Variants in KCNN3 observed in about 807,000 individuals in gnomAD.
KCNN3 encodes the protein small conductance calcium-activated potassium channel protein 3.
Under a neutral mutation model 62.9 loss-of-function variants are expected in KCNN3, and 16 were observed. That is an observed-to-expected ratio of 0.25 (90% CI 0.17 to 0.39). The LOEUF (loss-of-function observed/expected upper bound fraction) is 0.39, where lower values mean the gene tolerates loss of function less well. KCNN3 is among the 10% of genes least tolerant of loss of function. The pLI is 1.00. For missense variants in KCNN3, 599 were observed against 949.4 expected, an observed-to-expected ratio of 0.63 and a Z score of 4.85; for synonymous variants, 370 against 389.2, an observed-to-expected ratio of 0.95 and a Z score of 0.58.
At chr1:154,840,366 C>T (rs1446595453) in intron 1 of KCNN3, among the ~76,000 whole-genome samples, 1 of 152,090 alleles carries the variant, frequency 6.6e-6, no homozygotes, top group East Asian at 1.9e-4. Flanking sequence ...GGAGAAAAAG[C>T]GGCGTGTGAG....
At chr1:154,822,730 G>A (rs1650953541) in intron 1 of KCNN3, among the ~76,000 whole-genome samples, 1 of 152,212 alleles carries the variant, frequency 6.6e-6, no homozygotes. Flanking sequence ...AGGGAGGCAG[G>A]GACGGCAGAG....
chr1:154,788,019 A>C (rs1649360418), intron 2 of KCNN3, among the ~76,000 whole-genome samples: 1 of 152,174 alleles, frequency 6.6e-6, no homozygotes, highest in South Asian at 2.1e-4. Context: ...GAGGGAGGCA[A>C]GAGAGGGGCA....
intron 1 of KCNN3, among the ~76,000 whole-genome samples, chr1:154,838,784 G>A (rs994027172): frequency 2.0e-5 from 3 of 152,202 alleles, no homozygotes; most frequent in Non-Finnish European, 4.4e-5. Flanking sequence ...CTCTTTGAGT[G>A]TGGGAACCAA....
intron 1 of KCNN3, among the ~76,000 whole-genome samples, chr1:154,847,207 C>CA (rs1652107775): frequency 6.6e-6 from 1 of 151,884 alleles, no homozygotes; most frequent in South Asian, 2.1e-4. Flanking sequence ...CCTCACTACC[C>CA]CCCCCTGCCC....
chr1:154,800,498 C>T (rs1649909775), intron 2 of KCNN3, among the ~76,000 whole-genome samples: 1 of 152,118 alleles, frequency 6.6e-6, no homozygotes, highest in East Asian at 1.9e-4. Context: ...GTGCTCAGGG[C>T]CGGTGATTGT....
At chr1:154,832,551 C>T (rs1651416542) in intron 1 of KCNN3, among the ~76,000 whole-genome samples, 1 of 152,150 alleles carries the variant, frequency 6.6e-6, no homozygotes, top group Non-Finnish European at 1.5e-5. Context: ...TTTACTGCTC[C>T]ACCTGCCAAG....
Position 154,702,694 on chromosome 1 carries a change from G to T in KCNN3, c.*5282C>A, listed in dbSNP as rs1699877031. On this transcript the variant is annotated 3_prime_UTR_variant, in exon 8 of 8. Transcript: ENST00000271915. The stretch of plus-strand genomic sequence containing the variant: ...AGCTGGACGTTGGCTGCTTCGATCT[G>T]ATTCAGATATATATATATATATATA... 1 of 104,276 alleles carries T rather than the reference G, an allele frequency of 9.6e-6. No individual in the cohort carries two copies. The allele number at this position is 104,276 out of a possible 1,614,324, so 6.5% of individuals were successfully genotyped here. A position where few individuals can be genotyped will look rare whatever the true frequency, so the allele number is the denominator to read the frequency against.
intron 5 of KCNN3, 129 bp downstream of exon 5, chr1:154,725,787 C>T (rs1458668060): frequency 8.4e-6 from 6 of 714,574 alleles, no homozygotes; most frequent in Admixed American, 4.0e-5. Context: ...TTGTGATCGA[C>T]CCTCCTCAGC....
chr1:154,702,417 G>A lies in KCNN3; in HGVS notation c.*5559C>T, dbSNP rs1699871622. The A allele has an allele frequency of 6.6e-6, 1 of 151,522 alleles. No individual in the cohort carries two copies. Among genetic ancestry groups the A allele is most frequent in the Non-Finnish European group, 1.5e-5 (1 of 67,942 alleles). 9.4% of individuals were successfully genotyped at this position (151,522 alleles called of 1,614,324 possible). A position where few individuals can be genotyped will look rare whatever the true frequency, so the allele number is the denominator to read the frequency against. On this transcript the variant is annotated 3_prime_UTR_variant, in exon 8 of 8. Transcript: ENST00000271915. ...AGGCAAGATGCAAATTCATATTAAA[G>A]CTCATCTGATTCTGAATATAAACAC...
intron 3 of KCNN3, among the ~76,000 whole-genome samples, chr1:154,749,087 TTC>T (rs1233225018): frequency 6.6e-6 from 1 of 152,056 alleles, no homozygotes; most frequent in Non-Finnish European, 1.5e-5. Flanking sequence ...CTGGTGGGGA[TTC>T]TCTCTCTCTC....
At chr1:154,839,107 G>A (rs965486705) in intron 1 of KCNN3, among the ~76,000 whole-genome samples, 2 of 152,188 alleles carry the variant, frequency 1.3e-5, no homozygotes, top group African/African-American at 4.8e-5. Flanking sequence ...CCCCAGTTGT[G>A]GTGCTGACAC....
At chr1:154,745,584 T>C (rs1700921212) in intron 3 of KCNN3, among the ~76,000 whole-genome samples, 1 of 152,188 alleles carries the variant, frequency 6.6e-6, no homozygotes, top group African/African-American at 2.4e-5. Context: ...CTTGGGTCTC[T>C]TGGTCTTGCT....
At chr1:154,747,210 C>T (rs1353050042) in intron 3 of KCNN3, among the ~76,000 whole-genome samples, 1 of 152,180 alleles carries the variant, frequency 6.6e-6, no homozygotes, top group Non-Finnish European at 1.5e-5. Flanking sequence ...TGCTCTTCAT[C>T]CCAGCCACCA....
At chr1:154,865,944 C>T (rs1037296576) in intron 1 of KCNN3, among the ~76,000 whole-genome samples, 5 of 152,160 alleles carry the variant, frequency 3.3e-5, no homozygotes, top group Admixed American at 6.5e-5. Flanking sequence ...CTTGTCCATC[C>T]GCCTGCCTCC....
intron 2 of KCNN3, among the ~76,000 whole-genome samples, chr1:154,796,828 C>T (rs747947038): frequency 5.9e-5 from 9 of 152,232 alleles, no homozygotes; most frequent in Non-Finnish European, 1.3e-4. Flanking sequence ...GGATAAGACA[C>T]ATCTTTTTTT....
chr1:154,847,210 C>G (rs762693677), intron 1 of KCNN3, among the ~76,000 whole-genome samples: 2 of 151,904 alleles, frequency 1.3e-5, no homozygotes, highest in African/African-American at 2.4e-5. Context: ...CACTACCCCC[C>G]CCTGCCCTCG....
intron 1 of KCNN3, chr1:154,859,582 C>G: frequency 9.9e-7 from 1 of 1,010,772 alleles, no homozygotes; most frequent in Middle Eastern, 2.1e-4. Context: ...CCCTGCAGGG[C>G]CCCCTCAGCT....
intron 2 of KCNN3, among the ~76,000 whole-genome samples, chr1:154,820,059 C>A (rs1280666800): frequency 1.3e-5 from 2 of 152,246 alleles, no homozygotes; most frequent in African/African-American, 4.8e-5. Context: ...AAATGAATGA[C>A]CCCCAATAGC....
At chr1:154,760,006 T>G (rs1470253097) in intron 3 of KCNN3, among the ~76,000 whole-genome samples, 7 of 152,046 alleles carry the variant, frequency 4.6e-5, no homozygotes. Context: ...CTCCTCTCTT[T>G]CTTTTCCTTC....
Sources: allele counts gnomAD v4.1 joint callset (sites outside exome capture counted in the v4.1 genomes callset), GRCh38; gene constraint gnomAD v4.1.1; transcripts MANE v1.5; gene names NCBI Gene and HGNC (gene_info 2026-07-23, HGNC 2026-07-21).